The following SLC25A13 variants were observed in gnomAD, a reference collection of about 807,000 sequenced individuals.
The protein encoded by SLC25A13 is electrogenic aspartate/glutamate antiporter SLC25A13, mitochondrial.
A neutral mutation model predicts 85.5 loss-of-function variants in SLC25A13; 70 were observed. The observed-to-expected ratio is 0.82, with a 90% confidence interval of 0.68 to 1.00. SLC25A13 has a LOEUF of 1.00. Ranked by LOEUF, SLC25A13 falls within the 50% of genes least tolerant of loss-of-function variation. The probability of loss-of-function intolerance (pLI) is 0.00; values close to 1 mark genes in which losing one functional copy is unlikely to be tolerated. For synonymous variants in SLC25A13, 259 were observed against 288.7 expected (o/e 0.90, Z 1.04); for missense variants, 765 against 819.8 (o/e 0.93, Z 0.82).
intron 3 of SLC25A13, among the ~76,000 whole-genome samples, chr7:96,254,639 A>G (rs1314388645): frequency 6.6e-6 from 1 of 152,232 alleles, no homozygotes; most frequent in African/African-American, 2.4e-5. Context: ...ACATGCACAT[A>G]TACTACATAT....
At chr7:96,166,790 C>G (rs1042584069) in intron 13 of SLC25A13, 2 of 152,082 alleles carry the variant, frequency 1.3e-5, no homozygotes, top group Non-Finnish European at 1.5e-5. Flanking sequence ...CTAGTGGTAA[C>G]AGAACCTCTG....
chr7:96,177,211 C>T (rs1436232870), intron 11 of SLC25A13, among the ~76,000 whole-genome samples: 1 of 152,162 alleles, frequency 6.6e-6, no homozygotes, highest in Non-Finnish European at 1.5e-5. Flanking sequence ...GTGCCCATGA[C>T]ATTATGCCTA....
At chr7:96,159,686 T>C (rs991188237) in intron 13 of SLC25A13, among the ~76,000 whole-genome samples, 4 of 152,180 alleles carry the variant, frequency 2.6e-5, no homozygotes, top group African/African-American at 7.2e-5. Context: ...TAAAGCAATA[T>C]AGAATTTTTT....
intron 13 of SLC25A13, among the ~76,000 whole-genome samples, chr7:96,155,696 T>C: frequency 6.6e-6 from 1 of 152,224 alleles, no homozygotes; most frequent in Non-Finnish European, 1.5e-5. Flanking sequence ...CTTGAATAAC[T>C]ACGGCCCTGC....
chr7:96,191,349 G>C (rs1794842129), intron 6 of SLC25A13, 102 bp from the exon 7 acceptor site: 1 of 1,210,316 alleles, frequency 8.3e-7, no homozygotes, highest in African/African-American at 1.5e-5. Flanking sequence ...AATCAAAAAT[G>C]CATGTACAAG....
At chr7:96,198,207 A>C (rs991005814) in intron 5 of SLC25A13, among the ~76,000 whole-genome samples, 1 of 152,160 alleles carries the variant, frequency 6.6e-6, no homozygotes, top group Non-Finnish European at 1.5e-5. Context: ...TGCATCTTAG[A>C]GCCTCAGATT....
chr7:96,296,805 A>G (rs1584586955), intron 2 of SLC25A13, 93 bp downstream of exon 2: 3 of 1,318,958 alleles, frequency 2.3e-6, no homozygotes, highest in South Asian at 2.4e-5. Context: ...TTTTCAAAAT[A>G]TAACAACGAA....
At chr7:96,196,880 C>T (rs1334664940) in intron 5 of SLC25A13, among the ~76,000 whole-genome samples, 1 of 152,156 alleles carries the variant, frequency 6.6e-6, no homozygotes, top group African/African-American at 2.4e-5. Context: ...AAACCATGAC[C>T]TCAACCAGTA....
intron 13 of SLC25A13, among the ~76,000 whole-genome samples, chr7:96,154,520 C>T (rs1405828022): frequency 1.3e-5 from 2 of 152,172 alleles, no homozygotes; most frequent in Non-Finnish European, 2.9e-5. Flanking sequence ...TGGTCTTGAA[C>T]TCCTGACCTC....
intron 13 of SLC25A13, among the ~76,000 whole-genome samples, chr7:96,156,601 G>A (rs769150990): frequency 1.4e-4 from 21 of 152,082 alleles, no homozygotes; most frequent in Non-Finnish European, 2.4e-4. Flanking sequence ...ACAGGCACCC[G>A]TCACCGCGCC....
chr7:96,245,602 G>C (rs1797159480), intron 3 of SLC25A13, among the ~76,000 whole-genome samples: 1 of 152,172 alleles, frequency 6.6e-6, no homozygotes, highest in Non-Finnish European at 1.5e-5. Context: ...TACCAACACT[G>C]AGAGCAGAAT....
At chr7:96,281,462 G>A (rs1365504248) in intron 2 of SLC25A13, among the ~76,000 whole-genome samples, 1 of 149,774 alleles carries the variant, frequency 6.7e-6, no homozygotes, top group Admixed American at 6.6e-5. Context: ...AAGGGTAAAA[G>A]AAAAGAAACA....
chr7:96,290,925 A>G (rs900249698), intron 2 of SLC25A13, among the ~76,000 whole-genome samples: 2 of 152,186 alleles, frequency 1.3e-5, no homozygotes, highest in Non-Finnish European at 2.9e-5. Context: ...TGCACCAAGC[A>G]GACCTAACAG....
intron 1 of SLC25A13, among the ~76,000 whole-genome samples, chr7:96,307,875 G>C (rs1799811201): frequency 6.6e-6 from 1 of 151,582 alleles, no homozygotes. Context: ...ACTGCGGCCG[G>C]GCGCAGTGGC....
intron 4 of SLC25A13, among the ~76,000 whole-genome samples, chr7:96,233,485 G>A (rs1296171963): frequency 6.6e-6 from 1 of 152,174 alleles, no homozygotes; most frequent in Non-Finnish European, 1.5e-5. Flanking sequence ...GAAAGCATCT[G>A]ATCTTCTAGA....
At chr7:96,219,548 T>A (rs1796023865) in intron 4 of SLC25A13, 1 of 368,576 alleles carries the variant, frequency 2.7e-6, no homozygotes, top group Admixed American at 3.4e-5. Flanking sequence ...TGTTTCCTCA[T>A]CCATGAAAGA....
At position 96,178,390 on chromosome 7, in the gene SLC25A13, C is replaced by A. The variant is rs1268923806; in HGVS notation, c.1177+5887G>T. On this transcript the variant is annotated intron_variant, in intron 11 of 17. Coordinates refer to ENST00000265631, the MANE Select transcript of SLC25A13 (RefSeq NM_014251.3). ...TCTCAGCATAGAACTGAGACAGGGG[C>A]CAGCCCAAACCAGAGAAAGACAGCT... is the stretch of plus-strand genomic sequence containing the variant. Among the ~76,000 whole-genome samples, 50 of 152,132 alleles carry A rather than the reference C, an allele frequency of 3.3e-4. 1 individual carries two copies. Among genetic ancestry groups the A allele is most frequent in the Admixed American group, 3.3e-3 (50 of 15,284 alleles).
chr7:96,289,857 C>T (rs1032541614), intron 2 of SLC25A13, among the ~76,000 whole-genome samples: 24 of 152,172 alleles, frequency 1.6e-4, no homozygotes, highest in Non-Finnish European at 2.9e-4. Flanking sequence ...TCCAGGAGAA[C>T]TTCCCCAACC....
chr7:96,298,367 G>A (rs1327782631), intron 1 of SLC25A13, among the ~76,000 whole-genome samples: 1 of 152,060 alleles, frequency 6.6e-6, no homozygotes, highest in Non-Finnish European at 1.5e-5. Flanking sequence ...CCCAAAGCAA[G>A]ACTGATAACT....
Sources: gnomAD v4.1 joint callset for allele counts (sites outside exome capture counted in the v4.1 genomes callset) on GRCh38, gnomAD v4.1.1 for gene constraint, MANE v1.5 for transcripts, NCBI Gene and HGNC (gene_info 2026-07-23, HGNC 2026-07-21) for gene names.